Variants in UBE2A observed in about 807,000 individuals in gnomAD.
UBE2A encodes ubiquitin-conjugating enzyme E2 A.
For synonymous variants in UBE2A, 39 were observed against 41.1 expected, an observed-to-expected ratio of 0.95 and a Z score of 0.20; for missense variants, 27 against 125.8, an observed-to-expected ratio of 0.21 and a Z score of 3.76.
Position 119,574,656 on chromosome X carries a change from C to G in UBE2A, c.-56C>G, listed in dbSNP as rs2053400810. 6 of 1,170,721 alleles carry G rather than the reference C, an allele frequency of 5.1e-6. No homozygotes were observed. Among genetic ancestry groups the G allele is most frequent in the Non-Finnish European group, 2.3e-6 (2 of 874,332 alleles). Reference sequence around the variant, plus strand: ...TCTCCAGCCTCTTCGGCCTCCTCGCCCGCCGCGGGAACCCGAGACCCCAGT... The same window carrying G: ...TCTCCAGCCTCTTCGGCCTCCTCGCGCGCCGCGGGAACCCGAGACCCCAGT... On this transcript the variant is annotated 5_prime_UTR_variant, in exon 1 of 6. Transcript: ENST00000371558.
At position 119,583,119 on chromosome X, in the gene UBE2A, C is replaced by A. The variant is rs768591370; in HGVS notation, c.331-8C>A. Reference sequence around the variant, plus strand: ...AAGGAACTGACATTTTAAAAATTGTCTCTTTAGTCTCTGTTGGATGAACCC... The same window carrying A: ...AAGGAACTGACATTTTAAAAATTGTATCTTTAGTCTCTGTTGGATGAACCC... On this transcript the variant is annotated splice_region_variant and splice_polypyrimidine_tract_variant and intron_variant, in intron 5 of 5. Transcript: ENST00000371558. The A allele has an allele frequency of 6.6e-6, 8 of 1,209,367 alleles. No individual in the cohort carries two copies. Among genetic ancestry groups the A allele is most frequent in the Non-Finnish European group, 8.9e-6 (8 of 894,923 alleles).
chrX:119,576,206 C>T (rs2053414661), intron 3 of UBE2A, among the ~76,000 whole-genome samples: 1 of 111,375 alleles, frequency 9.0e-6, no homozygotes, highest in Non-Finnish European at 1.9e-5. Context: ...GATTCATATG[C>T]AGTTGCAAGA....
chrX:119,582,766 C>G lies in UBE2A; in HGVS notation c.330+90C>G, dbSNP rs977364742. The G allele has an allele frequency of 2.9e-5, 23 of 781,130 alleles. No homozygotes were observed. In the South Asian group the frequency reaches 4.5e-4, roughly 15 times the overall value. 64.4% of individuals were successfully genotyped at this position (781,130 alleles called of 1,213,427 possible). A position where few individuals can be genotyped will look rare whatever the true frequency, so the allele number is the denominator to read the frequency against. On this transcript the variant is annotated intron_variant, in intron 5 of 5. Coordinates refer to ENST00000371558, the MANE Select transcript of UBE2A (RefSeq NM_003336.4). ...TTTTGAAAGTCATAATGTAATAGATCTTTTTATTTTTGGTCAAAGCTTGTT... is the reference window on the plus strand; with the variant it reads ...TTTTGAAAGTCATAATGTAATAGATGTTTTTATTTTTGGTCAAAGCTTGTT...
Position 119,583,515 on chromosome X carries a change from C to T in UBE2A, c.*260C>T, listed in dbSNP as rs1352870922. 8.6e-6 allele frequency: 3 copies of T among 348,502 alleles called. No individual in the cohort carries two copies. Among genetic ancestry groups the T allele is most frequent in the Non-Finnish European group, 1.5e-5 (3 of 199,458 alleles). The allele number at this position is 348,502 out of a possible 1,213,427, so 28.7% of individuals were successfully genotyped here. ...TCAGTTTTTCTGTTGTATTTCATTT[C>T]CAGTTTTCAGGCAGTTATTTTTATT... On this transcript the variant is annotated 3_prime_UTR_variant, in exon 6 of 6. Coordinates refer to ENST00000371558, the MANE Select transcript of UBE2A (RefSeq NM_003336.4).
chrX:119,577,635 CTT>C (rs11380086), intron 3 of UBE2A, among the ~76,000 whole-genome samples: 9 of 56,785 alleles, frequency 1.6e-4, no homozygotes, highest in Non-Finnish European at 1.2e-4. Flanking sequence ...AAAATTTTAG[CTT>C]TTTTTTTTTT....
At chrX:119,574,821 G>C (rs921905820) in intron 1 of UBE2A, 66 bp downstream of exon 1, 2 of 1,197,855 alleles carry the variant, frequency 1.7e-6, no homozygotes, top group Non-Finnish European at 2.3e-6. Flanking sequence ...CCCGAGGCGC[G>C]CCGGGCGGGG....
At chrX:119,576,882 T>A (rs1458277313) in intron 3 of UBE2A, 1 of 112,420 alleles carries the variant, frequency 8.9e-6, no homozygotes, top group African/African-American at 3.2e-5. Context: ...TAGACTTAAT[T>A]TTCTTCTACC....
In UBE2A at chrX:119,574,673, G is replaced by T; in HGVS notation, c.-39G>T. ...CTCCTCGCCCGCCGCGGGAACCCGA[G>T]ACCCCAGTGTATGCCCCACCCCTGA... On this transcript the variant is annotated 5_prime_UTR_variant, in exon 1 of 6. Coordinates refer to ENST00000371558, the MANE Select transcript of UBE2A (RefSeq NM_003336.4). 2 of 1,186,097 alleles carry T rather than the reference G, an allele frequency of 1.7e-6. No homozygotes were observed. The highest frequency in any genetic ancestry group is 2.3e-6 in the Non-Finnish European group (2 of 883,123).
At chrX:119,579,220 A>G (rs2053436046) in intron 3 of UBE2A, among the ~76,000 whole-genome samples, 1 of 112,206 alleles carries the variant, frequency 8.9e-6, no homozygotes, top group Non-Finnish European at 1.9e-5. Context: ...TTTGGTAGCT[A>G]GGTAATCACT....
intron 4 of UBE2A, 46 bp downstream of exon 4, chrX:119,581,642 A>G: frequency 1.1e-6 from 1 of 948,738 alleles, no homozygotes; most frequent in Middle Eastern, 2.7e-4. Context: ...TATAGTGTTT[A>G]TTATGGAGTA....
chrX:119,580,886 G>A (rs1313376828), intron 3 of UBE2A: 1 of 111,909 alleles, frequency 8.9e-6, no homozygotes, highest in Non-Finnish European at 1.9e-5. Flanking sequence ...TAATTGAGTT[G>A]ATTTTATAGT....
At chrX:119,582,296 G>C (rs2053455377) in intron 4 of UBE2A, 1 of 188,847 alleles carries the variant, frequency 5.3e-6, no homozygotes, top group South Asian at 1.1e-4. Context: ...TGGATAGCTA[G>C]GGACCCTGTT....
intron 3 of UBE2A, chrX:119,576,869 A>G (rs750619804): frequency 2.7e-5 from 3 of 112,477 alleles, no homozygotes; most frequent in East Asian, 5.5e-4. Context: ...AAAAAACTAT[A>G]GCTAGACTTA....
At chrX:119,583,053 C>T in intron 5 of UBE2A, 74 bp from the exon 6 acceptor site, 2 of 1,153,882 alleles carry the variant, frequency 1.7e-6, no homozygotes, top group Non-Finnish European at 2.4e-6. Flanking sequence ...TAGGACAATT[C>T]AATTGAGTGT....
At chrX:119,575,155 A>G in intron 2 of UBE2A, 174 bp downstream of exon 2, 1 of 746,405 alleles carries the variant, frequency 1.3e-6, no homozygotes, top group South Asian at 2.4e-5. Context: ...TCCCGCTGCC[A>G]GGGGGAACCG....
chrX:119,581,636 G>C, intron 4 of UBE2A, 40 bp downstream of exon 4: 1 of 1,017,526 alleles, frequency 9.8e-7, no homozygotes, highest in Non-Finnish European at 1.4e-6. Flanking sequence ...AACTACTATA[G>C]TGTTTATTAT....
chrX:119,580,957 T>C (rs2053446098), intron 3 of UBE2A: 1 of 112,299 alleles, frequency 8.9e-6, no homozygotes, highest in Non-Finnish European at 1.9e-5. Context: ...TTTTCCTGGC[T>C]TAAATTCAAT....
At chrX:119,582,265 A>C (rs1447753888) in intron 4 of UBE2A, 5 of 146,539 alleles carry the variant, frequency 3.4e-5, no homozygotes, top group Non-Finnish European at 6.6e-5. Context: ...AATTTGGTGG[A>C]ATGAATTTCC....
rs1223584716 is a variant in UBE2A at position 119,584,303 on chromosome X, A to G, written c.*1048A>G. ...ACAAGGCTTGTAAATGTTTTGTCTAATGTTCTATTGTCACCTTTTATGCAT... is the reference window on the plus strand; with the variant it reads ...ACAAGGCTTGTAAATGTTTTGTCTAGTGTTCTATTGTCACCTTTTATGCAT... On this transcript the variant is annotated 3_prime_UTR_variant, in exon 6 of 6. Coordinates refer to ENST00000371558, the MANE Select transcript of UBE2A (RefSeq NM_003336.4). 2.7e-5 allele frequency: 3 copies of G among 111,754 alleles called. No homozygotes were observed. Among genetic ancestry groups the G allele is most frequent in the Non-Finnish European group, 5.6e-5 (3 of 53,143 alleles). The allele number at this position is 111,754 out of a possible 1,213,427, so 9.2% of individuals were successfully genotyped here.
Sources: allele counts gnomAD v4.1 joint callset (sites outside exome capture counted in the v4.1 genomes callset), GRCh38; gene constraint gnomAD v4.1.1; transcripts MANE v1.5; gene names NCBI Gene and HGNC (gene_info 2026-07-23, HGNC 2026-07-21).